Variants in ASAP1 observed in about 807,000 individuals in gnomAD.
ASAP1 encodes arf-GAP with SH3 domain, ANK repeat and PH domain-containing protein 1.
ASAP1 carries 43 observed loss-of-function variants against 145.2 expected under a neutral mutation model. The ratio of observed to expected loss-of-function variants is 0.30; its 90% CI spans 0.23 to 0.38. The LOEUF is 0.38. Ranked by LOEUF, ASAP1 falls within the 10% of genes least tolerant of loss-of-function variation. The pLI, the probability that ASAP1 is intolerant of heterozygous loss-of-function variation, is 1.00. For synonymous variants in ASAP1, 546 were observed against 515.5 expected (o/e 1.06, Z -0.80); for missense variants, 1,018 against 1,355.3 (o/e 0.75, Z 3.91).
chr8:130,397,294 C>T (rs567678849), intron 2 of ASAP1, among the ~76,000 whole-genome samples: 1 of 152,262 alleles, frequency 6.6e-6, no homozygotes, highest in East Asian at 1.9e-4. Context: ...GCGCCCACCA[C>T]CATACCTGGC....
intron 3 of ASAP1, among the ~76,000 whole-genome samples, chr8:130,343,589 ATATGACAAATATATAAGAAATT>A (rs1289119833): frequency 3.3e-5 from 5 of 152,240 alleles, no homozygotes; most frequent in Non-Finnish European, 7.3e-5. Flanking sequence ...CAAGCTGGCA[ATATGACAAATATATAAGAAATT>A]TATTAATATG....
intron 1 of ASAP1, among the ~76,000 whole-genome samples, chr8:130,414,467 A>G (rs1239611150): frequency 6.6e-6 from 1 of 152,206 alleles, no homozygotes; most frequent in Non-Finnish European, 1.5e-5. Context: ...TCTTCCCTCT[A>G]CCAGCCTTGG....
At chr8:130,441,468 G>T (rs956088097) in intron 1 of ASAP1, among the ~76,000 whole-genome samples, 1 of 152,178 alleles carries the variant, frequency 6.6e-6, no homozygotes, top group African/African-American at 2.4e-5. Flanking sequence ...TGAAAAAACG[G>T]CAGGGAAAAA....
intron 3 of ASAP1, among the ~76,000 whole-genome samples, chr8:130,348,107 C>T (rs770260407): frequency 1.3e-4 from 20 of 152,152 alleles, no homozygotes; most frequent in Non-Finnish European, 2.5e-4. Flanking sequence ...CAGCCCACTG[C>T]GTGCTGGGTG....
At chr8:130,067,927 C>A (rs1330084324) in intron 27 of ASAP1, among the ~76,000 whole-genome samples, 1 of 152,140 alleles carries the variant, frequency 6.6e-6, no homozygotes, top group African/African-American at 2.4e-5. Flanking sequence ...CCGTACACCA[C>A]ACATTTGGTA....
chr8:130,334,958 A>T (rs1824940115), intron 3 of ASAP1, among the ~76,000 whole-genome samples: 1 of 152,158 alleles, frequency 6.6e-6, no homozygotes, highest in Non-Finnish European at 1.5e-5. Flanking sequence ...AATATCAAGC[A>T]TCCCTCCTTG....
chr8:130,330,335 G>T (rs2137780068), intron 3 of ASAP1, among the ~76,000 whole-genome samples: 1 of 152,298 alleles, frequency 6.6e-6, no homozygotes. Context: ...TCAGGTCCAG[G>T]TCCGAAAGGA....
intron 2 of ASAP1, among the ~76,000 whole-genome samples, chr8:130,377,332 C>T (rs957881427): frequency 6.6e-6 from 1 of 152,050 alleles, no homozygotes; most frequent in Non-Finnish European, 1.5e-5. Flanking sequence ...CACTAAATAC[C>T]TTATTCAAGT....
chr8:130,268,701 G>C (rs1820416188), intron 3 of ASAP1, among the ~76,000 whole-genome samples: 1 of 152,138 alleles, frequency 6.6e-6, no homozygotes, highest in Non-Finnish European at 1.5e-5. Context: ...GATGGTAGGT[G>C]ATCTTTTCTC....
In ASAP1 at chr8:130,052,731, TTTTG is replaced by T. The variant is rs1478951462; in HGVS notation, c.*1996_*1999del. Reference sequence around the variant, plus strand: ...TGCAGCTTTTGTGTTTTTTTTTTGTTTTTGTTTTTTTTTTTTTTTTGAAAAAAAC... The same window carrying T: ...TGCAGCTTTTGTGTTTTTTTTTTGTTTTTTTTTTTTTTTTTTGAAAAAAAC... On this transcript the variant is annotated 3_prime_UTR_variant, in exon 30 of 30. Coordinates refer to ENST00000518721, the MANE Select transcript of ASAP1 (RefSeq NM_018482.4). 3 of 133,026 alleles carry T rather than the reference TTTTG, an allele frequency of 2.3e-5. No individual in the cohort carries two copies. Among genetic ancestry groups the T allele is most frequent in the African/African-American group, 7.5e-5 (3 of 40,118 alleles). The allele number at this position is 133,026 out of a possible 1,614,324, so 8.2% of individuals were successfully genotyped here.
intron 5 of ASAP1, among the ~76,000 whole-genome samples, chr8:130,190,421 A>G (rs1253572040): frequency 2.0e-5 from 3 of 152,092 alleles, no homozygotes; most frequent in African/African-American, 4.8e-5. Flanking sequence ...TCTTTCCCCA[A>G]TGTATGTTCT....
chr8:130,283,874 T>TA (rs1204190702), intron 3 of ASAP1, among the ~76,000 whole-genome samples: 3 of 152,048 alleles, frequency 2.0e-5, no homozygotes, highest in African/African-American at 7.2e-5. Flanking sequence ...GGTAAGGGCC[T>TA]AAAAAAATGG....
rs1054223672 is a variant in ASAP1 at position 130,052,608 on chromosome 8, C to T, written c.*2123G>A. The T allele has an allele frequency of 6.7e-6, 1 of 149,804 alleles. No homozygotes were observed. The highest frequency in any genetic ancestry group is 1.5e-5 in the Non-Finnish European group (1 of 67,456). 9.3% of individuals were successfully genotyped at this position (149,804 alleles called of 1,614,324 possible). A position where few individuals can be genotyped will look rare whatever the true frequency, so the allele number is the denominator to read the frequency against. ...TCAAATTCCTGATGGAAAACAAAACCGAACAAAAAAACTAGAAAAAAAAGG... is the reference window on the plus strand; with the variant it reads ...TCAAATTCCTGATGGAAAACAAAACTGAACAAAAAAACTAGAAAAAAAAGG... On this transcript the variant is annotated 3_prime_UTR_variant, in exon 30 of 30. Coordinates refer to ENST00000518721, the MANE Select transcript of ASAP1 (RefSeq NM_018482.4).
At position 130,373,352 on chromosome 8, in the gene ASAP1, T is replaced by C. The variant is rs1259696702; in HGVS notation, c.60-15209A>G. On this transcript the variant is annotated intron_variant, in intron 2 of 29. Coordinates refer to ENST00000518721, the MANE Select transcript of ASAP1 (RefSeq NM_018482.4). ...TCTAACAAGTTTGGTGAGCTAGTTTTTAGACCTTCAACAAACTGAACACAG... is the reference window on the plus strand; with the variant it reads ...TCTAACAAGTTTGGTGAGCTAGTTTCTAGACCTTCAACAAACTGAACACAG... Among the ~76,000 whole-genome samples the C allele has an allele frequency of 2.0e-5, 3 of 152,186 alleles. No individual in the cohort carries two copies. The East Asian group carries it at 5.8e-4, about 29-fold the overall frequency.
At chr8:130,276,787 C>CA (rs1820937739) in intron 3 of ASAP1, among the ~76,000 whole-genome samples, 1 of 146,984 alleles carries the variant, frequency 6.8e-6, no homozygotes, top group Middle Eastern at 3.4e-3. Flanking sequence ...TCCATGGCAG[C>CA]ATGAGAGACC....
chr8:130,260,886 A>G (rs1249879146), intron 3 of ASAP1, among the ~76,000 whole-genome samples: 1 of 152,216 alleles, frequency 6.6e-6, no homozygotes, highest in Non-Finnish European at 1.5e-5. Context: ...GACATAAACT[A>G]TATTGTGGTG....
intron 1 of ASAP1, among the ~76,000 whole-genome samples, chr8:130,439,052 G>C (rs1228389777): frequency 6.6e-6 from 1 of 152,204 alleles, no homozygotes; most frequent in Non-Finnish European, 1.5e-5. Context: ...AGGGAGAGTA[G>C]CCTAGATTAT....
intron 12 of ASAP1, among the ~76,000 whole-genome samples, chr8:130,154,600 G>GT (rs1339691242): frequency 6.6e-6 from 1 of 152,198 alleles, no homozygotes; most frequent in African/African-American, 2.4e-5. Context: ...ATTTAAAACA[G>GT]TATCATCTTA....
Position 130,368,885 on chromosome 8 carries a change from T to C in ASAP1, c.60-10742A>G, listed in dbSNP as rs191079627. On this transcript the variant is annotated intron_variant, in intron 2 of 29. Coordinates refer to ENST00000518721, the MANE Select transcript of ASAP1 (RefSeq NM_018482.4). ...CTAGTAATGTGAGCAACTGTACTTC[T>C]TTTTTAGTGTAAGCTAGTCTGAGTT... Among the ~76,000 whole-genome samples the C allele has an allele frequency of 3.1e-3, 466 of 152,330 alleles. 3 individuals carry two copies. The highest frequency in any genetic ancestry group is 9.5e-3 in the African/African-American group (394 of 41,580).
Sources: allele counts gnomAD v4.1 joint callset (sites outside exome capture counted in the v4.1 genomes callset), GRCh38; gene constraint gnomAD v4.1.1; transcripts MANE v1.5; gene names NCBI Gene and HGNC (gene_info 2026-07-23, HGNC 2026-07-21).